Variants in JCAD observed in about 807,000 individuals in gnomAD.
The protein encoded by JCAD is junctional cadherin 5-associated protein.
Under a neutral mutation model 98.0 loss-of-function variants are expected in JCAD, and 40 were observed. That is an observed-to-expected ratio of 0.41 (90% CI 0.32 to 0.53). The LOEUF (loss-of-function observed/expected upper bound fraction) is 0.53, where lower values mean the gene tolerates loss of function less well. Among genes scored for constraint, JCAD ranks in the 20% least tolerant of loss-of-function variants. The pLI is 0.31. For synonymous variants in JCAD, 691 were observed against 682.3 expected (o/e 1.01, Z -0.20); for missense variants, 1,705 against 1,738.1 (o/e 0.98, Z 0.34).
rs373280411 is a variant in JCAD, at chr10:30,026,800, T to G, written c.3348A>C (p.Ala1116=). The G allele has an allele frequency of 8.7e-6, 14 of 1,614,072 alleles. No individual in the cohort carries two copies. Among genetic ancestry groups the G allele is most frequent in the Non-Finnish European group, 1.2e-5 (14 of 1,180,038 alleles). ...GGGGGGACTCTGGGGTGCAGGCACTTGCATCGGGCTCAGCAGGCTGGTTCT... is the reference window on the plus strand; with the variant it reads ...GGGGGGACTCTGGGGTGCAGGCACTGGCATCGGGCTCAGCAGGCTGGTTCT... The part of the protein sequence containing the change: ...AGQNQPAEPD[A]SACTPESPQE... Residue 1116 remains alanine (A), a synonymous_variant, in exon 3 of 4, where the codon GCA becomes GCC. Coordinates refer to ENST00000375377, the MANE Select transcript of JCAD (RefSeq NM_020848.4).
chr10:30,040,273 C>G (rs924551577), intron 2 of JCAD, among the ~76,000 whole-genome samples: 1 of 152,190 alleles, frequency 6.6e-6, no homozygotes, highest in Non-Finnish European at 1.5e-5. Context: ...TTCCACAATA[C>G]GGATGCAGAA....
chr10:30,028,634 G>T lies in JCAD; in HGVS notation c.1514C>A (p.Pro505His), dbSNP rs554339742. 93 of 1,609,732 alleles carry T rather than the reference G, an allele frequency of 5.8e-5. 1 individual carries two copies. The South Asian group carries it at 9.9e-4, about 17-fold the overall frequency. ...GAGGCCACTGTTTTCCCCATCCCCGGGGGGCTGGCCCCACAGCCACCGGGG... is the reference window on the plus strand; with the variant it reads ...GAGGCCACTGTTTTCCCCATCCCCGTGGGGCTGGCCCCACAGCCACCGGGG... Reference protein sequence around the residue: ...SSPRWLWGQPPGDGENSGLPN... With the variant: ...SSPRWLWGQPHGDGENSGLPN... The change falls in exon 3 of 4, where the codon CCC becomes CAC. Residue 505 changes from proline (P) to histidine (H), a missense_variant. Physicochemically the swap from Pro to His is moderately conservative, Grantham distance 77. This residue lies in a region of JCAD where 1,278 missense variants were observed against 1,243.1 expected (regional missense o/e 1.03). Coordinates refer to ENST00000375377, the MANE Select transcript of JCAD (RefSeq NM_020848.4).
At position 30,077,164 on chromosome 10, in the gene JCAD, G is replaced by C. The variant is rs531020360; in HGVS notation, n.129-7343C>G. Among the ~76,000 whole-genome samples the C allele has an allele frequency of 1.4e-4, 21 of 152,294 alleles. 3 individuals are homozygous for C. In the South Asian group the frequency reaches 4.4e-3, roughly 32 times the overall value. ...GAGTGTCTAGTCTTCTTGGGCACAA[G>C]GTAATATATTTACAAATCCCTGGCC... On this transcript the variant is annotated intron_variant and non_coding_transcript_variant, in intron 1 of 2. Transcript: ENST00000465712.
chr10:30,110,781 G>A (rs1456378976), intron 1 of JCAD, among the ~76,000 whole-genome samples: 1 of 152,086 alleles, frequency 6.6e-6, no homozygotes, highest in Non-Finnish European at 1.5e-5. Flanking sequence ...TGGACCAGTT[G>A]ATGTATGGAC....
chr10:30,025,472 C>T (rs949539707), intron 3 of JCAD, among the ~76,000 whole-genome samples: 5 of 139,256 alleles, frequency 3.6e-5, no homozygotes, highest in Admixed American at 1.5e-4. Flanking sequence ...GAGCCGAGAT[C>T]GTGCCACTGT....
chr10:30,028,581 T>A lies in JCAD; in HGVS notation c.1567A>T (p.Arg523Trp), dbSNP rs1190127278. The A allele has an allele frequency of 6.2e-7, 1 of 1,614,064 alleles. No individual in the cohort carries two copies. Among genetic ancestry groups the A allele is most frequent in the Non-Finnish European group, 8.5e-7 (1 of 1,180,008 alleles). Residue 523 changes from arginine to tryptophan, a missense_variant, in exon 3 of 4, where the codon AGG (arginine) becomes TGG (tryptophan). Physicochemically the swap from Arg to Trp is moderately radical, Grantham distance 101 (BLOSUM62 -3). Around this residue, in one of 3 missense-constraint regions of JCAD, gnomAD observed 1,278 missense variants for 1,243.1 expected, o/e 1.03. Coordinates refer to ENST00000375377, the MANE Select transcript of JCAD (RefSeq NM_020848.4). Reference sequence around the variant, plus strand: ...CCTCTCACATCAGGCCACTGTCCCCTTGCCACACAGCGGTCTCTCTGGTTG... The same window carrying A: ...CCTCTCACATCAGGCCACTGTCCCCATGCCACACAGCGGTCTCTCTGGTTG... ...LPNQRDRCVA[R>W]GQWPDVRGSQ...
At chr10:30,102,090 G>C (rs889971044) in intron 1 of JCAD, among the ~76,000 whole-genome samples, 2 of 152,178 alleles carry the variant, frequency 1.3e-5, no homozygotes, top group Non-Finnish European at 2.9e-5. Context: ...GGCTCTAGAC[G>C]ACAGAATCCT....
At chr10:30,079,543 T>C (rs1330526101) in intron 1 of JCAD, among the ~76,000 whole-genome samples, 2 of 152,152 alleles carry the variant, frequency 1.3e-5, no homozygotes, top group African/African-American at 4.8e-5. Flanking sequence ...TGCCCCTGTC[T>C]AGGCAGAGAA....
At chr10:30,074,648 C>T (rs559976497) in intron 1 of JCAD, among the ~76,000 whole-genome samples, 4 of 152,304 alleles carry the variant, frequency 2.6e-5, no homozygotes, top group African/African-American at 7.2e-5. Context: ...GTCTGGAAGA[C>T]GTGGTTACAC....
intron 1 of JCAD, among the ~76,000 whole-genome samples, chr10:30,103,196 A>T (rs1487156354): frequency 6.6e-6 from 1 of 152,138 alleles, no homozygotes; most frequent in African/African-American, 2.4e-5. Flanking sequence ...TTCCTTGCCC[A>T]TTCATCTCCT....
Position 30,028,610 on chromosome 10 carries a change from A to G in JCAD, c.1538T>C (p.Leu513Pro). ...QPPGDGENSGLPNQRDRCVAR... is the reference protein window; with the variant it reads ...QPPGDGENSGPPNQRDRCVAR... ...CACACAGCGGTCTCTCTGGTTGGGG[A>G]GGCCACTGTTTTCCCCATCCCCGGG... Residue 513 changes from leucine to proline, a missense_variant, in exon 3 of 4, where the codon CTC (leucine) becomes CCC (proline). Transcript: ENST00000375377. 1 of 1,612,274 alleles carries G rather than the reference A, an allele frequency of 6.2e-7. No individual in the cohort carries two copies. The highest frequency in any genetic ancestry group is 8.5e-7 in the Non-Finnish European group (1 of 1,178,988).
chr10:30,039,665 C>A (rs943008927), intron 2 of JCAD, among the ~76,000 whole-genome samples: 1 of 152,172 alleles, frequency 6.6e-6, no homozygotes, highest in African/African-American at 2.4e-5. Context: ...ACGGAACAGT[C>A]CAGGCTCGGG....
intron 1 of JCAD, among the ~76,000 whole-genome samples, chr10:30,058,997 G>T (rs1257540521): frequency 1.3e-5 from 2 of 152,136 alleles, no homozygotes; most frequent in African/African-American, 4.8e-5. Context: ...GGGACCTCGG[G>T]GACCCAGCGC....
chr10:30,092,148 A>G (rs73598350), intron 1 of JCAD, among the ~76,000 whole-genome samples: 1,599 of 119,366 alleles, frequency 0.013, 80 homozygotes, highest in African/African-American at 0.049. Context: ...AACTCTTTGC[A>G]AGAAGTTCTT....
intron 1 of JCAD, among the ~76,000 whole-genome samples, chr10:30,109,383 C>A (rs1838647807): frequency 6.6e-6 from 1 of 152,174 alleles, no homozygotes; most frequent in Admixed American, 6.5e-5. Flanking sequence ...ATGTCCCTAT[C>A]TAGTTAATGG....
At chr10:30,069,429 T>G (rs1837841998) in intron 2 of JCAD, among the ~76,000 whole-genome samples, 1 of 122,748 alleles carries the variant, frequency 8.1e-6, no homozygotes, top group African/African-American at 3.1e-5. Context: ...AAGACCCCCA[T>G]CTCTACAGAA....
intron 1 of JCAD, among the ~76,000 whole-genome samples, chr10:30,054,959 G>A (rs1358509588): frequency 6.6e-6 from 1 of 152,144 alleles, no homozygotes; most frequent in African/African-American, 2.4e-5. Context: ...GTGAGCCACC[G>A]CGCCCGGCCG....
At chr10:30,065,583 C>G (rs955674159) in intron 2 of JCAD, among the ~76,000 whole-genome samples, 1 of 152,052 alleles carries the variant, frequency 6.6e-6, no homozygotes, top group Non-Finnish European at 1.5e-5. Flanking sequence ...CTCACTGCAG[C>G]CTTGACCTCC....
rs1324588846 is a variant in JCAD at position 30,013,018 on chromosome 10, G to T, written c.*4865C>A. ...CACCCTCACCTCTCATCACCTTAAG[G>T]CATCCTGTACCAGCCTGATCTGGGG... On this transcript the variant is annotated 3_prime_UTR_variant, in exon 4 of 4. Coordinates refer to ENST00000375377, the MANE Select transcript of JCAD (RefSeq NM_020848.4). 1 of 152,202 alleles carries T rather than the reference G, an allele frequency of 6.6e-6. No individual in the cohort carries two copies. Among genetic ancestry groups the T allele is most frequent in the African/African-American group, 2.4e-5 (1 of 41,430 alleles). 9.4% of individuals were successfully genotyped at this position (152,202 alleles called of 1,614,324 possible). A position where few individuals can be genotyped will look rare whatever the true frequency, so the allele number is the denominator to read the frequency against.
Sources: allele counts gnomAD v4.1 joint callset (sites outside exome capture counted in the v4.1 genomes callset), GRCh38; gene constraint gnomAD v4.1.1; regional missense constraint gnomAD v4.1.1; transcripts MANE v1.5; gene names NCBI Gene and HGNC (gene_info 2026-07-23, HGNC 2026-07-21).